FAM186B: variants seen among roughly 807,000 people sequenced by gnomAD.
FAM186B encodes the protein protein FAM186B.
In FAM186B, 68 loss-of-function variants were observed where a neutral mutation model predicts 83.4. The ratio of observed to expected loss-of-function variants is 0.81; its 90% CI spans 0.67 to 1.00. FAM186B has a LOEUF of 1.00. Among genes scored for constraint, FAM186B ranks in the 50% least tolerant of loss-of-function variants. The pLI is 0.00. For synonymous variants in FAM186B, 389 were observed against 422.0 expected (o/e 0.92, Z 0.96); for missense variants, 983 against 1,099.2 (o/e 0.89, Z 1.49).
chr12:49,599,434 A>C (rs1174013760), intron 4 of FAM186B, 35 bp downstream of exon 4: 1 of 1,508,746 alleles, frequency 6.6e-7, no homozygotes, highest in African/African-American at 1.4e-5. Context: ...ATATTGCAGC[A>C]GGTGGGTGCC....
chr12:49,598,683 C>T (rs762679391), intron 5 of FAM186B, 72 bp downstream of exon 5: 73 of 1,407,242 alleles, frequency 5.2e-5, no homozygotes, highest in Non-Finnish European at 4.7e-5. Context: ...GGGTTCATTT[C>T]AGGCCCCAAG....
At chr12:49,612,133 T>C in the FAM186B span, among the ~76,000 whole-genome samples, 20 of 152,020 alleles carry the variant, frequency 1.3e-4, no homozygotes, top group Non-Finnish European at 2.5e-4. Context: ...ATCTCACATA[T>C]CAATATTAAC....
At chr12:49,609,816 C>G (rs538066674), upstream of FAM186B, among the ~76,000 whole-genome samples, 2 of 152,222 alleles carry the variant, frequency 1.3e-5, no homozygotes, top group Admixed American at 1.3e-4. Context: ...GACCTGTAGA[C>G]AGGCCTGCTC....
In FAM186B at chr12:49,600,132, C is replaced by T. The variant is rs376802867; in HGVS notation, c.1508G>A (p.Arg503Gln). Residue 503 changes from arginine to glutamine, a missense_variant, in exon 4 of 7, where the codon CGG (arginine) becomes CAG (glutamine). By Grantham distance (43) the Arg-to-Gln change is conservative. Transcript: ENST00000257894. The surrounding 1 kb of genome is among the most constrained non-coding windows in gnomAD (Gnocchi z 4.3). ...CTCCAGCAGGGCCCACTTCTTCTGC[C>T]GCTGCTGCCACATCTCCTCCTCCTC... The part of the protein sequence containing the change: ...WLEEEEMWQQ[R>Q]QKKWALLEQE... The T allele has an allele frequency of 8.1e-6, 13 of 1,613,626 alleles. No individual in the cohort carries two copies. Among genetic ancestry groups the T allele is most frequent in the Admixed American group, 1.7e-5 (1 of 60,004 alleles).
At chr12:49,599,020 G>T in intron 4 of FAM186B, 73 bp from the exon 5 acceptor site, 1 of 1,475,778 alleles carries the variant, frequency 6.8e-7, no homozygotes, top group South Asian at 1.2e-5. Flanking sequence ...AACCAGAGAT[G>T]ACTTTGTTTT....
intron 5 of FAM186B, among the ~76,000 whole-genome samples, chr12:49,596,037 T>G (rs1454320651): frequency 6.6e-6 from 1 of 152,284 alleles, no homozygotes; most frequent in Non-Finnish European, 1.5e-5. Flanking sequence ...GACGATCACT[T>G]AGAGAAACAG....
At chr12:49,622,337 T>C in the FAM186B span, among the ~76,000 whole-genome samples, 1 of 152,158 alleles carries the variant, frequency 6.6e-6, no homozygotes, top group East Asian at 1.9e-4. Context: ...CAGGGAGACG[T>C]CGTCTCCAAA....
chr12:49,618,342 T>TG, the FAM186B span, among the ~76,000 whole-genome samples: 2 of 148,420 alleles, frequency 1.3e-5, no homozygotes, highest in African/African-American at 2.5e-5. Context: ...AGACTCCGTC[T>TG]GAAAAAAAAA....
chr12:49,605,751 G>C, upstream of FAM186B: 1 of 248,822 alleles, frequency 4.0e-6, no homozygotes, highest in South Asian at 1.1e-4. Context: ...TTGACTTGTT[G>C]CCTTTTCTTT....
At chr12:49,605,279 C>A (rs1374227191) in intron 1 of FAM186B, 103 bp downstream of exon 1, 1 of 1,544,248 alleles carries the variant, frequency 6.5e-7, no homozygotes, top group Non-Finnish European at 8.7e-7. Context: ...TATCCCAGGG[C>A]CTCTGAGGAC....
In FAM186B at chr12:49,588,484, T is replaced by A. The variant is rs760722128; in HGVS notation, c.2504A>T (p.His835Leu). 5 of 1,613,214 alleles carry A rather than the reference T, an allele frequency of 3.1e-6. No homozygotes were observed. The highest frequency in any genetic ancestry group is 4.2e-6 in the Non-Finnish European group (5 of 1,179,630). ...CATCTGCAGGGGCACACATGCCCGG[T>A]GCCTAGACAGAAAGGGCTGCTTGTA... ...PTYKQPFLSR[H>L]RACVPLQMAR... Residue 835 changes from histidine (H) to leucine (L), a missense_variant, in exon 6 of 7, where the codon CAC becomes CTC. By Grantham distance (99) the His-to-Leu change is moderately conservative. Coordinates refer to ENST00000257894, the MANE Select transcript of FAM186B (RefSeq NM_032130.3).
chr12:49,618,267 C>A, the FAM186B span, among the ~76,000 whole-genome samples: 4 of 152,008 alleles, frequency 2.6e-5, no homozygotes, highest in African/African-American at 9.7e-5. Flanking sequence ...ATCACTTGAA[C>A]CAGGGAGTTG....
At chr12:49,612,568 T>C in the FAM186B span, among the ~76,000 whole-genome samples, 1 of 151,934 alleles carries the variant, frequency 6.6e-6, no homozygotes, top group Admixed American at 6.6e-5. Flanking sequence ...CTATTGTTAG[T>C]GTTAGTGTAT....
In FAM186B at chr12:49,600,686, C is replaced by T. The variant is rs780489798; in HGVS notation, c.954G>A (p.Leu318=). Residue 318 remains leucine (L), a synonymous_variant, in exon 4 of 7, where the codon CTG becomes CTA. Transcript: ENST00000257894. The surrounding 1 kb of genome is among the most constrained non-coding windows in gnomAD (Gnocchi z 4.3). ...GACCTGTAGCATTCTGAGCCTTCTT[C>T]AGCTGGAACTCCAAGGCCTGCTTCA... ...LLMKQALEFQ[L]KKAQNATGQA... 9.9e-6 allele frequency: 16 copies of T among 1,614,074 alleles called. No individual in the cohort carries two copies. The African/African-American group carries it at 1.9e-4, about 19-fold the overall frequency.
intron 5 of FAM186B, among the ~76,000 whole-genome samples, chr12:49,589,623 G>C (rs1939533619): frequency 6.6e-6 from 1 of 151,618 alleles, no homozygotes; most frequent in African/African-American, 2.4e-5. Context: ...AGAGAATCTA[G>C]AAACGGGCAA....
intron 6 of FAM186B, 117 bp downstream of exon 6, chr12:49,588,337 G>C: frequency 1.6e-6 from 2 of 1,278,544 alleles, no homozygotes; most frequent in Non-Finnish European, 1.1e-6. Context: ...GCAACTCGTA[G>C]GGTGATATTG....
rs1278246221 is a variant in FAM186B at position 49,595,233 on chromosome 12, G to A, written c.2364+3522C>T. 7 of 651,118 alleles carry A rather than the reference G, an allele frequency of 1.1e-5. No individual in the cohort carries two copies. The Admixed American group carries it at 1.4e-4, about 13-fold the overall frequency. 40.3% of individuals were successfully genotyped at this position (651,118 alleles called of 1,614,324 possible). A position where few individuals can be genotyped will look rare whatever the true frequency, so the allele number is the denominator to read the frequency against. ...GGATTAAGGTCACCATTGCAGGTCT[G>A]GCTGGAAAAGACCCAGTACAGTGTA... On this transcript the variant is annotated intron_variant, in intron 5 of 6. Coordinates refer to ENST00000257894, the MANE Select transcript of FAM186B (RefSeq NM_032130.3).
chr12:49,600,164 C>T lies in FAM186B; in HGVS notation c.1476G>A (p.Leu492=). Residue 492 remains leucine, a synonymous_variant, in exon 4 of 7, where the codon CTG becomes CTA. Coordinates refer to ENST00000257894, the MANE Select transcript of FAM186B (RefSeq NM_032130.3). This position sits in a 1 kb window ranked among gnomAD's most constrained non-coding sequence, Gnocchi z 4.3. ...EEFGREMRRQ[L]WLEEEEMWQQ... Reference sequence around the variant, plus strand: ...GCCACATCTCCTCCTCCTCCAGCCACAGCTGCCTCCGCATCTCCCGGCCGA... The same window carrying T: ...GCCACATCTCCTCCTCCTCCAGCCATAGCTGCCTCCGCATCTCCCGGCCGA... 2 of 1,613,858 alleles carry T rather than the reference C, an allele frequency of 1.2e-6. No homozygotes were observed. The highest frequency in any genetic ancestry group is 2.2e-5 in the South Asian group (2 of 91,046).
chr12:49,618,502 A>G, the FAM186B span, among the ~76,000 whole-genome samples: 1 of 152,164 alleles, frequency 6.6e-6, no homozygotes, highest in Admixed American at 6.5e-5. Flanking sequence ...TATAGAAGAC[A>G]GAGACCAAAA....
Sources: gnomAD v4.1 joint callset for allele counts (sites outside exome capture counted in the v4.1 genomes callset) on GRCh38, gnomAD v4.1.1 for gene constraint, Gnocchi (gnomAD v3.1) non-coding constraint, MANE v1.5 for transcripts, NCBI Gene and HGNC (gene_info 2026-07-23, HGNC 2026-07-21) for gene names.